Variants in DAB2 observed in about 807,000 individuals in gnomAD.
DAB2 encodes the protein DAB adaptor protein 2.
A neutral mutation model predicts 71.6 loss-of-function variants in DAB2; 28 were observed. The ratio of observed to expected loss-of-function variants is 0.39; its 90% CI spans 0.29 to 0.54. The LOEUF is 0.54. Ranked by LOEUF, DAB2 falls within the 20% of genes least tolerant of loss-of-function variation. The pLI, the probability that DAB2 is intolerant of heterozygous loss-of-function variation, is 0.68. For synonymous variants in DAB2, 345 were observed against 339.7 expected (o/e 1.02, Z -0.17); for missense variants, 867 against 928.8 (o/e 0.93, Z 0.86).
chr5:39,420,651 C>T (rs111288736), intron 1 of DAB2, among the ~76,000 whole-genome samples: 5 of 152,292 alleles, frequency 3.3e-5, no homozygotes, highest in Middle Eastern at 3.4e-3. Context: ...CCAGAAATTT[C>T]ATAAGCTTTC....
At chr5:39,421,987 T>C (rs187268913) in intron 1 of DAB2, among the ~76,000 whole-genome samples, 2 of 152,226 alleles carry the variant, frequency 1.3e-5, no homozygotes, top group Admixed American at 1.3e-4. Context: ...ACAGAATCTC[T>C]TGAACCCAGG....
Position 39,381,443 on chromosome 5 carries a change from T to A in DAB2, c.1504+11A>T. The stretch of plus-strand genomic sequence containing the variant: ...AAAGAGTCATACTTAATTTTATCTC[T>A]AGGCACCTACCTAGACCCACCAGGG... On this transcript the variant is annotated intron_variant, in intron 11 of 14. Coordinates refer to ENST00000320816, the MANE Select transcript of DAB2 (RefSeq NM_001343.4). 1 of 1,609,840 alleles carries A rather than the reference T, an allele frequency of 6.2e-7. No individual in the cohort carries two copies. Among genetic ancestry groups the A allele is most frequent in the African/African-American group, 1.3e-5 (1 of 74,870 alleles).
At chr5:39,415,269 T>C (rs552832429) in intron 1 of DAB2, among the ~76,000 whole-genome samples, 3 of 152,264 alleles carry the variant, frequency 2.0e-5, no homozygotes, top group South Asian at 4.1e-4. Flanking sequence ...TGAAGGACCA[T>C]CTGTATGGCA....
chr5:39,414,538 G>A (rs1226292136), intron 1 of DAB2, among the ~76,000 whole-genome samples: 4 of 152,112 alleles, frequency 2.6e-5, no homozygotes, highest in Admixed American at 2.6e-4. Flanking sequence ...AGGTCAGACA[G>A]ATATATGAGC....
intron 1 of DAB2, among the ~76,000 whole-genome samples, chr5:39,404,613 C>G (rs946509341): frequency 6.6e-6 from 1 of 151,596 alleles, no homozygotes; most frequent in Non-Finnish European, 1.5e-5. Context: ...GAGTCTTGCT[C>G]TGTCTCCCAG....
chr5:39,411,382 G>T (rs1185142183), intron 1 of DAB2, among the ~76,000 whole-genome samples: 2 of 152,028 alleles, frequency 1.3e-5, no homozygotes, highest in African/African-American at 2.4e-5. Flanking sequence ...AACCACTAAT[G>T]ACCTGCTGCA....
chr5:39,390,154 G>T (rs958791149), intron 5 of DAB2, among the ~76,000 whole-genome samples: 3 of 152,092 alleles, frequency 2.0e-5, no homozygotes, highest in Admixed American at 6.6e-5. Context: ...GAGGTATCAT[G>T]ATCATATTTG....
chr5:39,406,767 G>A (rs539532583), intron 1 of DAB2, among the ~76,000 whole-genome samples: 10 of 152,156 alleles, frequency 6.6e-5, no homozygotes, highest in African/African-American at 2.4e-4. Flanking sequence ...ATTTCATTCT[G>A]CTTCCCTCCC....
At chr5:39,411,183 T>C (rs995071701) in intron 1 of DAB2, among the ~76,000 whole-genome samples, 1 of 152,150 alleles carries the variant, frequency 6.6e-6, no homozygotes, top group Non-Finnish European at 1.5e-5. Context: ...AGCTGAGACC[T>C]CTTGGCCCTT....
chr5:39,395,937 C>CTTTTTTTTTT (rs3024228), intron 1 of DAB2, among the ~76,000 whole-genome samples: 2,366 of 74,826 alleles, frequency 0.032, 591 homozygotes, highest in African/African-American at 0.056. Flanking sequence ...CACAGATATT[C>CTTTTTTTTTT]TTTTTTTTTT....
chr5:39,394,375 C>T lies in DAB2; in HGVS notation c.-55G>A, dbSNP rs1029260226. On this transcript the variant is annotated 5_prime_UTR_variant, in exon 2 of 15. Transcript: ENST00000320816. Reference sequence around the variant, plus strand: ...CCAGTGGACACTTGGTGACACCAGGCGATCCCGATGGAGAAGTCTCAAATA... The same window carrying T: ...CCAGTGGACACTTGGTGACACCAGGTGATCCCGATGGAGAAGTCTCAAATA... The T allele has an allele frequency of 1.3e-5, 17 of 1,321,954 alleles. No homozygotes were observed. The highest frequency in any genetic ancestry group is 3.5e-5 in the South Asian group (3 of 85,138). The allele number at this position is 1,321,954 out of a possible 1,614,324, so 81.9% of individuals were successfully genotyped here.
Position 39,393,373 on chromosome 5 carries a change from A to G in DAB2, c.112T>C (p.Tyr38His). ...TCGCCTTTGAACCTTGCTAAGAGAT[A>G]TTCATCTGTCTTTTCAGGGCCTGAG... ...KKKGPEKTDE[Y>H]LLARFKGDGV... Residue 38 changes from tyrosine to histidine, a missense_variant, in exon 3 of 15, where the codon TAT (tyrosine) becomes CAT (histidine). By Grantham distance (83) the Tyr-to-His change is moderately conservative. Around this residue, in one of 2 missense-constraint regions of DAB2, gnomAD observed 127 missense variants for 194.4 expected, o/e 0.65. Transcript: ENST00000320816. 1 of 1,614,042 alleles carries G rather than the reference A, an allele frequency of 6.2e-7. No individual in the cohort carries two copies. Among genetic ancestry groups the G allele is most frequent in the Non-Finnish European group, 8.5e-7 (1 of 1,179,956 alleles).
chr5:39,393,131 T>C, intron 3 of DAB2, 123 bp downstream of exon 3: 1 of 980,256 alleles, frequency 1.0e-6, no homozygotes, highest in East Asian at 2.4e-5. Flanking sequence ...GCACTACTGA[T>C]GGATAATGTG....
intron 7 of DAB2, 62 bp from the exon 8 acceptor site, chr5:39,388,914 A>C: frequency 1.4e-6 from 2 of 1,434,562 alleles, no homozygotes; most frequent in South Asian, 2.3e-5. Flanking sequence ...GTATTTGTCC[A>C]CTCTATTAGT....
intron 1 of DAB2, among the ~76,000 whole-genome samples, chr5:39,424,163 TCTTA>T (rs1379680631): frequency 1.3e-5 from 2 of 152,040 alleles, no homozygotes; most frequent in Non-Finnish European, 2.9e-5. Context: ...TTTTTAGAAT[TCTTA>T]CTTAATCTTT....
chr5:39,402,476 G>A (rs1319971325), intron 1 of DAB2, among the ~76,000 whole-genome samples: 1 of 152,100 alleles, frequency 6.6e-6, no homozygotes, highest in Non-Finnish European at 1.5e-5. Flanking sequence ...GAGTGCAGTG[G>A]TGCAATCTCA....
intron 11 of DAB2, among the ~76,000 whole-genome samples, chr5:39,380,007 T>C (rs1754941562): frequency 1.3e-5 from 2 of 152,214 alleles, no homozygotes; most frequent in Admixed American, 1.3e-4. Flanking sequence ...AAATATTGGC[T>C]GCAAAAATTC....
chr5:39,393,619 A>T (rs1755287168), intron 2 of DAB2, among the ~76,000 whole-genome samples: 1 of 152,192 alleles, frequency 6.6e-6, no homozygotes, highest in African/African-American at 2.4e-5. Context: ...TTAGAAGTAC[A>T]AAATTGACAG....
At chr5:39,376,414 C>T (rs573158666) in intron 12 of DAB2, among the ~76,000 whole-genome samples, 4 of 152,226 alleles carry the variant, frequency 2.6e-5, no homozygotes, top group African/African-American at 9.6e-5. Context: ...CTCATGGCAG[C>T]CCTTTTAAGA....
Sources: allele counts gnomAD v4.1 joint callset (sites outside exome capture counted in the v4.1 genomes callset), GRCh38; gene constraint gnomAD v4.1.1; regional missense constraint gnomAD v4.1.1; transcripts MANE v1.5; gene names NCBI Gene and HGNC (gene_info 2026-07-23, HGNC 2026-07-21).